Variants in NFIA observed in about 807,000 individuals in gnomAD.
NFIA encodes nuclear factor 1 A-type.
NFIA carries 8 observed loss-of-function variants against 62.8 expected under a neutral mutation model. The observed-to-expected ratio is 0.13, with a 90% CI of 0.07 to 0.23. The LOEUF (loss-of-function observed/expected upper bound fraction) is 0.23, where lower values mean the gene tolerates loss of function less well. Among genes scored for constraint, NFIA ranks in the 10% least tolerant of loss-of-function variants. The probability of loss-of-function intolerance (pLI) is 1.00; values close to 1 mark genes in which losing one functional copy is unlikely to be tolerated. For synonymous variants in NFIA, 235 were observed against 238.1 expected (o/e 0.99, Z 0.12); for missense variants, 410 against 642.1 (o/e 0.64, Z 3.91).
At chr1:61,345,369 G>A (rs1370669137) in intron 4 of NFIA, among the ~76,000 whole-genome samples, 1 of 152,172 alleles carries the variant, frequency 6.6e-6, no homozygotes, top group Non-Finnish European at 1.5e-5. Flanking sequence ...GATCAACTGT[G>A]TACACAAAAC....
At chr1:61,128,818 A>G (rs978192224) in intron 2 of NFIA, among the ~76,000 whole-genome samples, 10 of 151,298 alleles carry the variant, frequency 6.6e-5, no homozygotes, top group African/African-American at 1.5e-4. Context: ...AGAATTCCCT[A>G]TGCTCTACAG....
At chr1:61,164,137 A>G (rs1353223250) in intron 2 of NFIA, among the ~76,000 whole-genome samples, 2 of 152,064 alleles carry the variant, frequency 1.3e-5, no homozygotes, top group East Asian at 3.9e-4. Flanking sequence ...AGTAATAGCT[A>G]GTGTTTTTAT....
intron 9 of NFIA, among the ~76,000 whole-genome samples, chr1:61,409,733 C>A (rs1260690819): frequency 6.6e-6 from 1 of 152,162 alleles, no homozygotes; most frequent in Admixed American, 6.5e-5. Context: ...TACATATGGT[C>A]CGCCCTAGCC....
intron 2 of NFIA, among the ~76,000 whole-genome samples, chr1:61,198,645 C>T (rs1034092180): frequency 6.6e-6 from 1 of 152,184 alleles, no homozygotes; most frequent in East Asian, 1.9e-4. Flanking sequence ...TGGCAGGCAG[C>T]GTCTGTATGC....
intron 2 of NFIA, among the ~76,000 whole-genome samples, chr1:61,159,971 C>A (rs139753339): frequency 6.6e-6 from 1 of 152,122 alleles, no homozygotes; most frequent in African/African-American, 2.4e-5. Context: ...CGTGAGCCAC[C>A]GCGCCCGGCC....
chr1:61,366,502 A>G (rs892902831), intron 6 of NFIA, among the ~76,000 whole-genome samples: 3 of 152,210 alleles, frequency 2.0e-5, no homozygotes, highest in African/African-American at 7.2e-5. Context: ...GAAAGTTTCA[A>G]AACAGTTTAG....
intron 3 of NFIA, among the ~76,000 whole-genome samples, chr1:61,331,403 C>G (rs1661291754): frequency 6.6e-6 from 1 of 152,180 alleles, no homozygotes; most frequent in Admixed American, 6.5e-5. Context: ...GGTGGATATG[C>G]AGTGCCACAG....
intron 2 of NFIA, among the ~76,000 whole-genome samples, chr1:61,191,001 T>TTAAAGATAAA (rs1651575027): frequency 6.6e-6 from 1 of 151,980 alleles, no homozygotes; most frequent in South Asian, 2.1e-4. Flanking sequence ...CCACAATAAA[T>TTAAAGATAAA]TAAAGATAAA....
rs147118842 is a variant in NFIA at position 61,172,657 on chromosome 1, A to C, written c.559+83977A>C. 1.5e-4 allele frequency among the ~76,000 whole-genome samples: 23 copies of C among 152,348 alleles called. No individual in the cohort carries two copies. In the East Asian group the frequency reaches 4.2e-3, roughly 28 times the overall value. On this transcript the variant is annotated intron_variant, in intron 2 of 10. Coordinates refer to ENST00000403491, the MANE Select transcript of NFIA (RefSeq NM_001134673.4). ...GAAGGTCAGCTCTTTTTATAGTCAGAGGTCTGTATGCCTTTGAAAATATCC... is the reference window on the plus strand; with the variant it reads ...GAAGGTCAGCTCTTTTTATAGTCAGCGGTCTGTATGCCTTTGAAAATATCC...
chr1:61,093,615 G>C (rs1646360707), intron 2 of NFIA, among the ~76,000 whole-genome samples: 1 of 152,162 alleles, frequency 6.6e-6, no homozygotes, highest in Admixed American at 6.5e-5. Flanking sequence ...CTTGAGGATA[G>C]TAACAATATC....
At chr1:61,321,831 T>G (rs893215862) in intron 3 of NFIA, among the ~76,000 whole-genome samples, 2 of 152,212 alleles carry the variant, frequency 1.3e-5, no homozygotes, top group South Asian at 2.1e-4. Flanking sequence ...TGATATCTAA[T>G]AGACATAGTC....
intron 2 of NFIA, among the ~76,000 whole-genome samples, chr1:61,255,663 G>A (rs1157759415): frequency 6.6e-6 from 1 of 152,190 alleles, no homozygotes; most frequent in Non-Finnish European, 1.5e-5. Flanking sequence ...GTGTTCCATA[G>A]TGGAAATAGA....
At chr1:61,161,142 T>C (rs1203514718) in intron 2 of NFIA, among the ~76,000 whole-genome samples, 1 of 152,234 alleles carries the variant, frequency 6.6e-6, no homozygotes, top group Non-Finnish European at 1.5e-5. Context: ...CTCGAACTCC[T>C]GACCTCAAGT....
Position 61,391,044 on chromosome 1 carries a change from ATTTGTTTGTTTG to A in NFIA, c.1075+7699_1075+7710del, listed in dbSNP as rs112725651. On this transcript the variant is annotated intron_variant, in intron 7 of 10. Coordinates refer to ENST00000403491, the MANE Select transcript of NFIA (RefSeq NM_001134673.4). ...CAGTATATATTTGATTTGTTTGTTTATTTGTTTGTTTGTTTGTTTGTTTGTTTGTTTTGAGAC... is the reference window on the plus strand; with the variant it reads ...CAGTATATATTTGATTTGTTTGTTTATTTGTTTGTTTGTTTGTTTTGAGAC... 1.4e-4 allele frequency among the ~76,000 whole-genome samples: 21 copies of A among 150,996 alleles called. No individual in the cohort carries two copies. The South Asian group carries it at 1.5e-3, about 11-fold the overall frequency.
At chr1:61,376,500 C>G (rs1377260069) in intron 6 of NFIA, among the ~76,000 whole-genome samples, 1 of 152,138 alleles carries the variant, frequency 6.6e-6, no homozygotes, top group Non-Finnish European at 1.5e-5. Context: ...GTTAGAATCG[C>G]TGATAATTCA....
intron 2 of NFIA, among the ~76,000 whole-genome samples, chr1:61,206,064 C>T (rs1570378578): frequency 6.6e-6 from 1 of 151,972 alleles, no homozygotes; most frequent in East Asian, 1.9e-4. Flanking sequence ...CACAGGTGTG[C>T]ATCAATTAAC....
chr1:61,392,272 C>A (rs1665019663), intron 7 of NFIA, among the ~76,000 whole-genome samples: 1 of 151,290 alleles, frequency 6.6e-6, no homozygotes, highest in African/African-American at 2.4e-5. Context: ...TTATTAAATT[C>A]ATTAGCCAGA....
At chr1:61,420,058 T>C (rs1303655482) in intron 9 of NFIA, among the ~76,000 whole-genome samples, 2 of 152,192 alleles carry the variant, frequency 1.3e-5, no homozygotes, top group Non-Finnish European at 2.9e-5. Context: ...ATCCATTCCA[T>C]CATGTGGGGG....
intron 9 of NFIA, 40 bp from the exon 10 acceptor site, chr1:61,426,425 C>G (rs750395339): frequency 7.3e-7 from 1 of 1,369,326 alleles, no homozygotes; most frequent in Non-Finnish European, 1.0e-6. Context: ...TGTGCAATCT[C>G]GTGCCGCTTC....
Sources: allele counts gnomAD v4.1 joint callset (sites outside exome capture counted in the v4.1 genomes callset), GRCh38; gene constraint gnomAD v4.1.1; transcripts MANE v1.5; gene names NCBI Gene and HGNC (gene_info 2026-07-23, HGNC 2026-07-21).